Variants in ATP6V1E1 observed in about 807,000 individuals in gnomAD.
The protein encoded by ATP6V1E1 is V-type proton ATPase subunit E 1.
Under a neutral mutation model 35.2 loss-of-function variants are expected in ATP6V1E1, and 21 were observed. The observed-to-expected ratio is 0.60, with a 90% CI of 0.42 to 0.86. The LOEUF is 0.86. Among genes scored for constraint, ATP6V1E1 ranks in the 40% least tolerant of loss-of-function variants. The probability of loss-of-function intolerance (pLI) is 0.00; values close to 1 mark genes in which losing one functional copy is unlikely to be tolerated. For missense variants in ATP6V1E1, 183 were observed against 272.6 expected (o/e 0.67, Z 2.32); for synonymous variants, 83 against 87.8 (o/e 0.95, Z 0.30).
chr22:17,613,394 CG>C, intron 2 of ATP6V1E1, 74 bp from the exon 3 acceptor site: 2 of 1,210,720 alleles, frequency 1.7e-6, no homozygotes, highest in Non-Finnish European at 2.4e-6. Flanking sequence ...TGGTGACCTG[CG>C]TTACTTGCTT....
intron 4 of ATP6V1E1, among the ~76,000 whole-genome samples, chr22:17,602,678 T>G (rs2057767705): frequency 6.6e-6 from 1 of 151,990 alleles, no homozygotes; most frequent in African/African-American, 2.4e-5. Context: ...CCTGGCCATT[T>G]GACTTTCTTA....
At chr22:17,628,427 T>C (rs1281089026) in intron 1 of ATP6V1E1, among the ~76,000 whole-genome samples, 176 bp downstream of exon 1, 3 of 152,262 alleles carry the variant, frequency 2.0e-5, no homozygotes, top group Non-Finnish European at 4.4e-5. Flanking sequence ...AAAAGTCACA[T>C]GAGCTGCGGG....
chr22:17,627,277 G>T (rs1329371330), intron 1 of ATP6V1E1, among the ~76,000 whole-genome samples: 14 of 151,456 alleles, frequency 9.2e-5, no homozygotes, highest in Admixed American at 7.9e-4. Flanking sequence ...ACAGGCGCCC[G>T]CCACCATGCC....
intron 8 of ATP6V1E1, among the ~76,000 whole-genome samples, chr22:17,593,575 TTTAA>T (rs777458500): frequency 1.3e-5 from 2 of 152,134 alleles, no homozygotes; most frequent in Non-Finnish European, 2.9e-5. Flanking sequence ...AATTTTTCGG[TTTAA>T]TTAAATATCC....
Position 17,600,736 on chromosome 22 carries a change from C to G in ATP6V1E1, c.366+356G>C, listed in dbSNP as rs1048219050. The G allele has an allele frequency of 2.4e-5, 4 of 164,784 alleles. No homozygotes were observed. In the East Asian group the frequency reaches 5.3e-4, roughly 22 times the overall value. The allele number at this position is 164,784 out of a possible 1,614,324, so 10.2% of individuals were successfully genotyped here. ...CAGCAGTAAACAATTAAAACATATA[C>G]AGTGTTTGGTCTGAATCCTAAATCT... On this transcript the variant is annotated intron_variant, in intron 5 of 8. Transcript: ENST00000253413.
In ATP6V1E1 at chr22:17,592,739, G is replaced by A. The variant is rs374129845; in HGVS notation, c.619-3C>T. 11 of 1,612,146 alleles carry A rather than the reference G, an allele frequency of 6.8e-6. No individual in the cohort carries two copies. The highest frequency in any genetic ancestry group is 9.3e-6 in the Non-Finnish European group (11 of 1,178,802). ...GCTCCCCGGACTTCTGGCATCATCT[G>A]TGGAGAGAAAGTGTAATAAATACGC... On this transcript the variant is annotated splice_region_variant and splice_polypyrimidine_tract_variant and intron_variant, in intron 8 of 8. Transcript: ENST00000253413.
At chr22:17,609,127 AAACAAAC>A (rs767266568) in intron 4 of ATP6V1E1, among the ~76,000 whole-genome samples, 7 of 151,444 alleles carry the variant, frequency 4.6e-5, no homozygotes, top group African/African-American at 1.7e-4. Context: ...ACAAACAAAC[AAACAAAC>A]AAAAATTCAT....
rs35255555 is a variant in ATP6V1E1 at position 17,602,380 on chromosome 22, C to CTT, written c.277-1201_277-1200dup. Among the ~76,000 whole-genome samples the CTT allele has an allele frequency of 8.9e-3, 1,309 of 147,356 alleles. 16 individuals are homozygous for CTT. Among genetic ancestry groups the CTT allele is most frequent in the African/African-American group, 0.027 (1,077 of 39,818 alleles). ...TTAAGGGCTAAAAGAAAACTCAAGG[C>CTT]TTTTTTTTTTCTTTGAGACAGTCTC... is the stretch of plus-strand genomic sequence containing the variant. On this transcript the variant is annotated intron_variant, in intron 4 of 8. Coordinates refer to ENST00000253413, the MANE Select transcript of ATP6V1E1 (RefSeq NM_001696.4).
At chr22:17,605,693 CTTTTTTTTTTT>C (rs3044548) in intron 4 of ATP6V1E1, among the ~76,000 whole-genome samples, 2 of 103,998 alleles carry the variant, frequency 1.9e-5, no homozygotes, top group South Asian at 3.5e-4. Flanking sequence ...AGATGTTTCT[CTTTTTTTTTTT>C]TTTTTTTTTT....
intron 7 of ATP6V1E1, chr22:17,594,868 C>T (rs972123830): frequency 3.2e-5 from 9 of 277,842 alleles, no homozygotes; most frequent in Non-Finnish European, 5.4e-5. Context: ...CACATCCTCC[C>T]CTATATTGCA....
At chr22:17,598,092 G>A in intron 7 of ATP6V1E1, 102 bp downstream of exon 7, 2 of 878,032 alleles carry the variant, frequency 2.3e-6, no homozygotes, top group South Asian at 3.0e-5. Context: ...TTGTGTCTAA[G>A]AGTGCGTTTA....
Position 17,623,456 on chromosome 22 carries a change from A to C in ATP6V1E1, c.34-3930T>G, listed in dbSNP as rs530247729. Among the ~76,000 whole-genome samples the C allele has an allele frequency of 3.1e-3, 469 of 152,226 alleles. 1 individual carries two copies. The highest frequency in any genetic ancestry group is 5.4e-3 in the Non-Finnish European group (370 of 68,006). ...GGGAGGCCAATCCGGGTGGATCACG[A>C]GGTCAGGAGTTCAAGACCAGCCTGA... On this transcript the variant is annotated intron_variant, in intron 1 of 8. Coordinates refer to ENST00000253413, the MANE Select transcript of ATP6V1E1 (RefSeq NM_001696.4).
chr22:17,622,544 T>A (rs1047471485), intron 1 of ATP6V1E1, among the ~76,000 whole-genome samples: 1 of 152,160 alleles, frequency 6.6e-6, no homozygotes, highest in Non-Finnish European at 1.5e-5. Flanking sequence ...AAATACCTAA[T>A]GTAGATGATG....
intron 2 of ATP6V1E1, among the ~76,000 whole-genome samples, chr22:17,613,862 G>C (rs574052239): frequency 7.2e-5 from 11 of 152,314 alleles, no homozygotes; most frequent in African/African-American, 2.6e-4. Flanking sequence ...AGCTACTCAG[G>C]AGGCTGAGGC....
chr22:17,618,908 G>T (rs577702471), intron 2 of ATP6V1E1: 5 of 434,842 alleles, frequency 1.1e-5, no homozygotes, highest in Non-Finnish European at 2.3e-5. Flanking sequence ...GCTGAGGCAG[G>T]AGAATCACTT....
At chr22:17,598,313 G>C (rs755914031) in intron 6 of ATP6V1E1, 25 bp from the exon 7 acceptor site, 26 of 1,548,242 alleles carry the variant, frequency 1.7e-5, no homozygotes, top group Non-Finnish European at 2.2e-5. Flanking sequence ...CACAATGAGA[G>C]GTGTCACTAG....
chr22:17,606,314 C>T (rs1232513155), intron 4 of ATP6V1E1, among the ~76,000 whole-genome samples: 1 of 152,100 alleles, frequency 6.6e-6, no homozygotes, highest in Non-Finnish European at 1.5e-5. Flanking sequence ...ATGGATAAAA[C>T]TAGAAGTAAA....
chr22:17,613,784 G>C (rs1448288914), intron 2 of ATP6V1E1, among the ~76,000 whole-genome samples: 1 of 151,560 alleles, frequency 6.6e-6, no homozygotes, highest in Non-Finnish European at 1.5e-5. Flanking sequence ...TGGCTAACAC[G>C]GTGAAACCCT....
chr22:17,610,274 G>A lies in ATP6V1E1; in HGVS notation c.276+2538C>T, dbSNP rs560864192. Among the ~76,000 whole-genome samples the A allele has an allele frequency of 2.0e-4, 30 of 151,938 alleles. 1 individual carries two copies. The South Asian group carries it at 3.1e-3, about 16-fold the overall frequency. On this transcript the variant is annotated intron_variant, in intron 4 of 8. Transcript: ENST00000253413. Reference sequence around the variant, plus strand: ...AATAACTAATAAAATATAAACAAGTGGATTAAAAAATTAAAGCAAAGAGAA... The same window carrying A: ...AATAACTAATAAAATATAAACAAGTAGATTAAAAAATTAAAGCAAAGAGAA...
Sources: allele counts gnomAD v4.1 joint callset (sites outside exome capture counted in the v4.1 genomes callset), GRCh38; gene constraint gnomAD v4.1.1; transcripts MANE v1.5; gene names NCBI Gene and HGNC (gene_info 2026-07-23, HGNC 2026-07-21).